The following AMZ2 variants were observed in gnomAD, a reference collection of about 807,000 sequenced individuals.
AMZ2 encodes the protein archaemetzincin-2.
A neutral mutation model predicts 36.7 loss-of-function variants in AMZ2; 26 were observed. The ratio of observed to expected loss-of-function variants is 0.71; its 90% CI spans 0.52 to 0.98. The LOEUF (loss-of-function observed/expected upper bound fraction) is 0.98. AMZ2 is among the 50% of genes least tolerant of loss of function. AMZ2 has a pLI of 0.00. For synonymous variants in AMZ2, 144 were observed against 149.1 expected (o/e 0.97, Z 0.25); for missense variants, 394 against 430.5 (o/e 0.92, Z 0.75).
chr17:68,211,756 A>G (rs1468074287), intron 1 of AMZ2, among the ~76,000 whole-genome samples: 6 of 119,818 alleles, frequency 5.0e-5, no homozygotes, highest in Admixed American at 8.2e-5. Flanking sequence ...GTATATATGT[A>G]TATGTATATA....
intron 1 of AMZ2, among the ~76,000 whole-genome samples, chr17:68,230,299 C>T (rs2073626776): frequency 6.6e-6 from 1 of 152,226 alleles, no homozygotes; most frequent in Admixed American, 6.5e-5. Context: ...GTCTCGAACT[C>T]CTGACCCCAG....
rs545982911 is a variant in AMZ2 at position 68,256,793 on chromosome 17, G to A, written c.928-21G>A. 1.7e-5 allele frequency: 27 copies of A among 1,607,024 alleles called. No individual in the cohort carries two copies. In the Middle Eastern group the frequency reaches 6.6e-4, roughly 39 times the overall value. On this transcript the variant is annotated intron_variant, in intron 6 of 6. Transcript: ENST00000359904. ...ATTTTGCTGTGGTTTGTTGAAGTGC[G>A]CATCTTTCATGTTTTTCCAGGCACT...
At chr17:68,229,080 G>T (rs1555730612) in intron 1 of AMZ2, among the ~76,000 whole-genome samples, 1 of 152,152 alleles carries the variant, frequency 6.6e-6, no homozygotes, top group African/African-American at 2.4e-5. Context: ...TGCCTCATGG[G>T]GTGTTTTTTG....
chr17:68,256,036 C>G (rs1434183244), intron 6 of AMZ2, among the ~76,000 whole-genome samples, 160 bp downstream of exon 6: 1 of 152,200 alleles, frequency 6.6e-6, no homozygotes, highest in Admixed American at 6.5e-5. Context: ...AAATGCTCTT[C>G]TTAAAAACTT....
In AMZ2 at chr17:68,250,290, C is replaced by T. The variant is rs1555738526; in HGVS notation, c.103C>T (p.Arg35Cys). The T allele has an allele frequency of 5.0e-6, 8 of 1,614,148 alleles. No individual in the cohort carries two copies. Among genetic ancestry groups the T allele is most frequent in the Admixed American group, 1.7e-5 (1 of 60,006 alleles). The change falls in exon 2 of 7, where the codon CGT becomes TGT. Residue 35 changes from arginine to cysteine, a missense_variant. Transcript: ENST00000359904. ...QYEKLNAGEQ[R>C]LMNEAFQPAS... ...TGAGAAATTAAATGCTGGGGAACAACGTTTAATGAATGAAGCCTTCCAGCC... is the reference window on the plus strand; with the variant it reads ...TGAGAAATTAAATGCTGGGGAACAATGTTTAATGAATGAAGCCTTCCAGCC...
At chr17:68,237,948 G>A (rs1413590372) in intron 1 of AMZ2, among the ~76,000 whole-genome samples, 1 of 152,180 alleles carries the variant, frequency 6.6e-6, no homozygotes, top group Non-Finnish European at 1.5e-5. Flanking sequence ...GAAGTGGGTC[G>A]CTGTCGCTGT....
intron 1 of AMZ2, among the ~76,000 whole-genome samples, chr17:68,207,826 C>T (rs1254223807): frequency 2.7e-5 from 4 of 150,850 alleles, no homozygotes; most frequent in Non-Finnish European, 4.5e-5. Context: ...AGGCTGGAGC[C>T]GGCTCCCTCA....
At chr17:68,218,353 A>C (rs1161403056) in intron 1 of AMZ2, among the ~76,000 whole-genome samples, 1 of 148,090 alleles carries the variant, frequency 6.8e-6, no homozygotes, top group Non-Finnish European at 1.5e-5. Context: ...ACACAGCATT[A>C]TGTTTTATTT....
intron 1 of AMZ2, among the ~76,000 whole-genome samples, chr17:68,207,923 G>C (rs1377602029): frequency 1.3e-5 from 2 of 152,122 alleles, no homozygotes; most frequent in Non-Finnish European, 2.9e-5. Flanking sequence ...TTCCCAGTGG[G>C]TGTGGGCTCG....
chr17:68,212,208 C>T (rs2073085749), intron 1 of AMZ2, among the ~76,000 whole-genome samples: 4 of 152,036 alleles, frequency 2.6e-5, no homozygotes, highest in Non-Finnish European at 5.9e-5. Flanking sequence ...CCCTTTTCTA[C>T]AAAAAATACA....
chr17:68,254,313 A>G, intron 4 of AMZ2, 91 bp from the exon 5 acceptor site: 1 of 1,288,302 alleles, frequency 7.8e-7, no homozygotes, highest in South Asian at 1.4e-5. Flanking sequence ...AGATGCACTC[A>G]CTGGCCAGAT....
intron 1 of AMZ2, chr17:68,206,938 C>A (rs3760274): frequency 0.51 from 78,535 of 153,028 alleles, 22,681 homozygotes; most frequent in African/African-American, 0.79. Context: ...ACAAGACCCA[C>A]CCAACTTTGG....
intron 1 of AMZ2, among the ~76,000 whole-genome samples, chr17:68,211,730 G>A (rs1231330317): frequency 5.3e-5 from 6 of 113,254 alleles, no homozygotes; most frequent in Admixed American, 2.7e-4. Flanking sequence ...ATATGTATAT[G>A]TATATATGTG....
intron 1 of AMZ2, among the ~76,000 whole-genome samples, chr17:68,215,444 C>T (rs1400767111): frequency 7.3e-6 from 1 of 136,550 alleles, no homozygotes; most frequent in Non-Finnish European, 1.6e-5. Flanking sequence ...GTTTACTGCT[C>T]TCAGGAAGCT....
At position 68,248,107 on chromosome 17, in the gene AMZ2, T is replaced by C. The variant is rs1555736812; in HGVS notation, c.-599T>C. On this transcript the variant is annotated 5_prime_UTR_variant, in exon 1 of 7. Coordinates refer to ENST00000359904, the MANE Select transcript of AMZ2 (RefSeq NM_016627.5). ...CGCGGGTGGGTGGTATCGAGGCCTG[T>C]CGGGTCAGGGCGGTTCGCGGGTGCT... 8 of 986,128 alleles carry C rather than the reference T, an allele frequency of 8.1e-6. No individual in the cohort carries two copies. Among genetic ancestry groups the C allele is most frequent in the African/African-American group, 1.7e-5 (1 of 57,218 alleles). The allele number at this position is 986,128 out of a possible 1,614,324, so 61.1% of individuals were successfully genotyped here.
rs149483999 is a variant in AMZ2, at chr17:68,239,848, A to T, written c.-66-8792A>T. Reference sequence around the variant, plus strand: ...CATAATGAAATCTTAACAGCCAAAGATTACCAGATGTTGATGGAAAGTTCT... The same window carrying T: ...CATAATGAAATCTTAACAGCCAAAGTTTACCAGATGTTGATGGAAAGTTCT... On this transcript the variant is annotated intron_variant, in intron 1 of 7. Transcript: ENST00000674770. 2.6e-3 allele frequency among the ~76,000 whole-genome samples: 398 copies of T among 152,336 alleles called. 2 individuals are homozygous for T. The highest frequency in any genetic ancestry group is 9.1e-3 in the African/African-American group (380 of 41,580).
rs2074208466 is a variant in AMZ2, at chr17:68,248,712, A to G, written c.-1+7A>G. 4 of 987,376 alleles carry G rather than the reference A, an allele frequency of 4.1e-6. No homozygotes were observed. The highest frequency in any genetic ancestry group is 4.8e-6 in the Non-Finnish European group (4 of 831,120). The allele number at this position is 987,376 out of a possible 1,614,324, so 61.2% of individuals were successfully genotyped here. On this transcript the variant is annotated splice_region_variant and intron_variant, in intron 1 of 6. Coordinates refer to ENST00000359904, the MANE Select transcript of AMZ2 (RefSeq NM_016627.5). The stretch of plus-strand genomic sequence containing the variant: ...GCCTTCCTTCCTAATCAAGGTAGGT[A>G]GACTACAGGAAGGTACATCTTGTTT...
intron 1 of AMZ2, among the ~76,000 whole-genome samples, chr17:68,219,356 C>G (rs1373632106): frequency 2.0e-5 from 3 of 152,214 alleles, no homozygotes; most frequent in African/African-American, 7.2e-5. Flanking sequence ...CTCACCTCTT[C>G]TGTCTGGTTC....
intron 1 of AMZ2, among the ~76,000 whole-genome samples, chr17:68,238,586 T>TACACACACACACAC (rs10528850): frequency 2.1e-4 from 32 of 151,006 alleles, no homozygotes; most frequent in African/African-American, 7.6e-4. Flanking sequence ...CACACATATG[T>TACACACACACACAC]ACACACACAC....
Sources: allele counts gnomAD v4.1 joint callset (sites outside exome capture counted in the v4.1 genomes callset), GRCh38; gene constraint gnomAD v4.1.1; transcripts MANE v1.5; gene names NCBI Gene and HGNC (gene_info 2026-07-23, HGNC 2026-07-21).